Variants in STAG2 observed in about 807,000 individuals in gnomAD.
STAG2 encodes cohesin subunit SA-2.
A neutral mutation model predicts 108.1 loss-of-function variants in STAG2; 14 were observed. The observed-to-expected ratio is 0.13, with a 90% CI of 0.09 to 0.20. The LOEUF (loss-of-function observed/expected upper bound fraction) is 0.20, where lower values mean the gene tolerates loss of function less well. Among genes scored for constraint, STAG2 ranks in the 10% least tolerant of loss-of-function variants. The pLI is 1.00. For missense variants in STAG2, 440 were observed against 940.9 expected, an observed-to-expected ratio of 0.47 and a Z score of 6.96; for synonymous variants, 307 against 302.7, an observed-to-expected ratio of 1.01 and a Z score of -0.15.
intron 9 of STAG2, 148 bp downstream of exon 9, chrX:124,047,653 G>C: frequency 1.9e-6 from 1 of 514,371 alleles, no homozygotes; most frequent in Non-Finnish European, 3.1e-6. Flanking sequence ...ACAAAATTCT[G>C]ATGAATATCC....
chrX:124,031,382 CAG>C (rs1336311408), intron 5 of STAG2, among the ~76,000 whole-genome samples: 4 of 106,770 alleles, frequency 3.7e-5, no homozygotes, highest in Admixed American at 1.0e-4. Context: ...TTTTTTGAGA[CAG>C]AGTCTCGCTC....
At chrX:124,064,093 C>G (rs767263085) in intron 20 of STAG2, 42 bp downstream of exon 20, 67 of 989,272 alleles carry the variant, frequency 6.8e-5, no homozygotes, top group Non-Finnish European at 9.1e-5. Context: ...CAGTTGAGCC[C>G]CTCTACTGCA....
chrX:124,091,448 A>G (rs1170592091), intron 32 of STAG2, among the ~76,000 whole-genome samples: 2 of 112,333 alleles, frequency 1.8e-5, no homozygotes, highest in Admixed American at 9.5e-5. Context: ...ACTCTTACTT[A>G]AAACCTTTCT....
chrX:124,020,679 C>T (rs1190887512), intron 1 of STAG2, among the ~76,000 whole-genome samples: 2 of 110,950 alleles, frequency 1.8e-5, no homozygotes, highest in East Asian at 2.8e-4. Flanking sequence ...AGAGTAAGCC[C>T]TGTCTCAACG....
intron 1 of STAG2, among the ~76,000 whole-genome samples, chrX:123,992,974 T>C (rs902339370): frequency 8.9e-5 from 10 of 111,802 alleles, no homozygotes; most frequent in African/African-American, 3.3e-4. Context: ...TGATTGAAAC[T>C]GTAGGTTCAA....
intron 33 of STAG2, 98 bp from the exon 34 acceptor site, chrX:124,095,274 A>C: frequency 1.5e-6 from 1 of 669,370 alleles, no homozygotes; most frequent in Non-Finnish European, 2.4e-6. Flanking sequence ...TACACTTGGA[A>C]TCACATAGAC....
intron 9 of STAG2, among the ~76,000 whole-genome samples, chrX:124,048,690 C>T (rs960891039): frequency 2.7e-5 from 3 of 111,431 alleles, no homozygotes; most frequent in Non-Finnish European, 5.7e-5. Context: ...TTGGCCTCCC[C>T]GAGTGCTGAG....
intron 6 of STAG2, among the ~76,000 whole-genome samples, chrX:124,042,296 G>A (rs2057743589): frequency 9.0e-6 from 1 of 111,528 alleles, no homozygotes; most frequent in South Asian, 3.7e-4. Context: ...AGTAAAGTGA[G>A]TCAGGTAGAA....
chrX:124,029,580 G>A (rs756514980), intron 4 of STAG2, among the ~76,000 whole-genome samples: 48 of 112,754 alleles, frequency 4.3e-4, no homozygotes, highest in African/African-American at 1.4e-3. Context: ...CAAAGTGCTA[G>A]GATTACAGGC....
At chrX:124,002,630 C>T (rs1037052079) in intron 1 of STAG2, among the ~76,000 whole-genome samples, 3 of 110,010 alleles carry the variant, frequency 2.7e-5, no homozygotes, top group Non-Finnish European at 5.7e-5. Flanking sequence ...AGCCATACAC[C>T]TGATTTTTTT....
At chrX:124,075,153 AT>A (rs1477255114) in intron 25 of STAG2, among the ~76,000 whole-genome samples, 3 of 112,315 alleles carry the variant, frequency 2.7e-5, no homozygotes, top group African/African-American at 9.7e-5. Flanking sequence ...TATACATAAA[AT>A]AGTTTTTGAT....
intron 1 of STAG2, among the ~76,000 whole-genome samples, chrX:123,998,595 T>C (rs865946554): frequency 3.8e-5 from 3 of 79,968 alleles, no homozygotes; most frequent in African/African-American, 1.8e-4. Context: ...TCCATCTATC[T>C]ATCTATCTAT....
chrX:124,006,056 G>C (rs2056272936), intron 1 of STAG2, among the ~76,000 whole-genome samples: 1 of 110,648 alleles, frequency 9.0e-6, no homozygotes, highest in Non-Finnish European at 1.9e-5. Flanking sequence ...TCCTCCCTAA[G>C]GACTTCGTTT....
chrX:124,022,908 T>G (rs1471654073), intron 3 of STAG2, among the ~76,000 whole-genome samples: 3 of 112,392 alleles, frequency 2.7e-5, no homozygotes, highest in Non-Finnish European at 5.6e-5. Flanking sequence ...AGTTTATTAT[T>G]TTTTGTTGTG....
At chrX:124,067,840 T>G (rs1272328585) in intron 23 of STAG2, among the ~76,000 whole-genome samples, 1 of 111,167 alleles carries the variant, frequency 9.0e-6, no homozygotes, top group Non-Finnish European at 1.9e-5. Context: ...GAGACCAGCC[T>G]GGCCAACATG....
At chrX:123,976,077 C>T (rs762562202) in intron 1 of STAG2, among the ~76,000 whole-genome samples, 5 of 111,565 alleles carry the variant, frequency 4.5e-5, no homozygotes, top group East Asian at 2.8e-4. Context: ...AGTTCCAGAC[C>T]GGCCTGGGCA....
intron 1 of STAG2, among the ~76,000 whole-genome samples, chrX:123,974,227 T>A (rs2054509457): frequency 9.7e-6 from 1 of 102,958 alleles, no homozygotes; most frequent in African/African-American, 3.4e-5. Context: ...ATCTTTTCTT[T>A]TCTTTTTTCT....
chrX:124,031,129 AG>A lies in STAG2; in HGVS notation c.288+5del, dbSNP rs775907047. 1 of 1,199,124 alleles carries A rather than the reference AG, an allele frequency of 8.3e-7. No homozygotes were observed. Among genetic ancestry groups the A allele is most frequent in the East Asian group, 3.0e-5 (1 of 33,449 alleles). On this transcript the variant is annotated splice_donor_5th_base_variant and intron_variant, in intron 5 of 34. Coordinates refer to ENST00000371145, the MANE Select transcript of STAG2 (RefSeq NM_001042750.2). ...AATGGGCAAGAGTGCTATGCAGGTA[AG>A]ATTTATGTTGTTCTTCCCAGTTCAT... is the stretch of plus-strand genomic sequence containing the variant.
At chrX:124,050,731 T>A (rs1399393651) in intron 11 of STAG2, among the ~76,000 whole-genome samples, 1 of 111,995 alleles carries the variant, frequency 8.9e-6, no homozygotes, top group Non-Finnish European at 1.9e-5. Context: ...TTTTAATATG[T>A]TTTCATTAAA....
Sources: allele counts gnomAD v4.1 joint callset (sites outside exome capture counted in the v4.1 genomes callset), GRCh38; gene constraint gnomAD v4.1.1; transcripts MANE v1.5; gene names NCBI Gene and HGNC (gene_info 2026-07-23, HGNC 2026-07-21).